The following RABGAP1 variants were observed in gnomAD, a reference collection of about 807,000 sequenced individuals.
The protein encoded by RABGAP1 is RAB GTPase activating protein 1.
Under a neutral mutation model 137.6 loss-of-function variants are expected in RABGAP1, and 23 were observed. The ratio of observed to expected loss-of-function variants is 0.17; its 90% CI spans 0.12 to 0.24. The LOEUF is 0.24. RABGAP1 is among the 10% of genes least tolerant of loss of function. The pLI is 1.00. For synonymous variants in RABGAP1, 451 were observed against 450.7 expected (o/e 1.00, Z -0.01); for missense variants, 906 against 1,275.8 (o/e 0.71, Z 4.42).
intron 1 of RABGAP1, among the ~76,000 whole-genome samples, chr9:122,949,758 A>G (rs1324325566): frequency 4.6e-5 from 7 of 152,010 alleles, no homozygotes; most frequent in Non-Finnish European, 5.9e-5. Context: ...GGTAAATGCT[A>G]TAATTCTGTG....
chr9:122,990,431 C>T (rs1261670158), intron 6 of RABGAP1: 4 of 326,652 alleles, frequency 1.2e-5, no homozygotes, highest in African/African-American at 8.8e-5. Context: ...GAACATGTTG[C>T]TACCTTCTTT....
At chr9:123,082,409 C>G (rs1409448414) in intron 19 of RABGAP1, among the ~76,000 whole-genome samples, 1 of 152,142 alleles carries the variant, frequency 6.6e-6, no homozygotes, top group Admixed American at 6.5e-5. Context: ...ATTTATGGAC[C>G]TGGGAGCCCC....
chr9:123,085,215 C>G (rs780754376), intron 19 of RABGAP1, among the ~76,000 whole-genome samples: 23 of 152,212 alleles, frequency 1.5e-4, no homozygotes, highest in Admixed American at 2.6e-4. Context: ...TCTTCCTTCT[C>G]TCTAATTTAA....
upstream of RABGAP1, chr9:122,940,864 G>T (rs534374789): frequency 6.6e-5 from 10 of 152,668 alleles, no homozygotes; most frequent in East Asian, 1.9e-3. Context: ...CCCAGGTGGG[G>T]CTCGGAGAAG....
chr9:123,075,451 T>G (rs1300167120), intron 17 of RABGAP1, among the ~76,000 whole-genome samples: 1 of 152,228 alleles, frequency 6.6e-6, no homozygotes, highest in African/African-American at 2.4e-5. Context: ...TCATAAAGAA[T>G]TTGTATCTAC....
chr9:122,965,007 A>G (rs924456792), intron 2 of RABGAP1, among the ~76,000 whole-genome samples: 5 of 152,172 alleles, frequency 3.3e-5, no homozygotes, highest in African/African-American at 7.2e-5. Flanking sequence ...TACTTAGAAA[A>G]AAAGATTTCA....
At chr9:122,994,631 T>C (rs1224367653) in intron 6 of RABGAP1, among the ~76,000 whole-genome samples, 1 of 152,210 alleles carries the variant, frequency 6.6e-6, no homozygotes, top group Non-Finnish European at 1.5e-5. Context: ...TTTGAGTAGG[T>C]GTTCAGAGCT....
chr9:123,074,729 CTT>C (rs1458103040), intron 17 of RABGAP1, among the ~76,000 whole-genome samples: 6 of 152,256 alleles, frequency 3.9e-5, no homozygotes, highest in Admixed American at 6.5e-5. Flanking sequence ...TTTTTGCTCT[CTT>C]GTGAAAAAAA....
chr9:123,053,701 A>G (rs1255187854), intron 13 of RABGAP1, among the ~76,000 whole-genome samples: 8 of 152,218 alleles, frequency 5.3e-5, no homozygotes, highest in Admixed American at 5.2e-4. Flanking sequence ...CATTTAATAA[A>G]GCATCTGTAA....
intron 19 of RABGAP1, chr9:123,077,003 T>C (rs2034531923): frequency 1.7e-5 from 2 of 120,132 alleles, no homozygotes; most frequent in Non-Finnish European, 2.9e-5. Flanking sequence ...GAAATCTCGT[T>C]GTCCCCCCAA....
At position 123,101,779 on chromosome 9, in the gene RABGAP1, C is replaced by T. The variant is rs2035352844; in HGVS notation, c.3087+16C>T. 3 of 1,569,022 alleles carry T rather than the reference C, an allele frequency of 1.9e-6. No homozygotes were observed. The highest frequency in any genetic ancestry group is 2.6e-6 in the Non-Finnish European group (3 of 1,158,184). On this transcript the variant is annotated intron_variant, in intron 25 of 25. Coordinates refer to ENST00000373647, the MANE Select transcript of RABGAP1 (RefSeq NM_012197.4). Reference sequence around the variant, plus strand: ...TAAGATACAGGTAACAGCAGCAGAGCTCAGACATGTGCCTGCGGGCTGGGT... The same window carrying T: ...TAAGATACAGGTAACAGCAGCAGAGTTCAGACATGTGCCTGCGGGCTGGGT...
rs1334318394 is a variant in RABGAP1 at position 123,017,285 on chromosome 9, C to T, written c.1643+1649C>T. Among the ~76,000 whole-genome samples the T allele has an allele frequency of 2.0e-5, 3 of 152,174 alleles. No homozygotes were observed. In the East Asian group the frequency reaches 5.8e-4, roughly 29 times the overall value. On this transcript the variant is annotated intron_variant, in intron 12 of 25. Transcript: ENST00000373647. ...CTAGTTAGATTTTATTACACGAACC[C>T]ATCAGCATCTTATACAACTTGGAAT...
chr9:123,029,161 C>T (rs748098880), intron 13 of RABGAP1, among the ~76,000 whole-genome samples: 1 of 152,074 alleles, frequency 6.6e-6, no homozygotes, highest in African/African-American at 2.4e-5. Flanking sequence ...GTCCTTGGCA[C>T]TCACTTGATG....
chr9:122,966,476 T>C (rs926698732), intron 2 of RABGAP1, among the ~76,000 whole-genome samples: 7 of 152,036 alleles, frequency 4.6e-5, no homozygotes, highest in African/African-American at 1.2e-4. Flanking sequence ...TGAGCCTACA[T>C]TGTGCCATTG....
chr9:122,973,368 C>T (rs1835576020), intron 2 of RABGAP1, among the ~76,000 whole-genome samples: 1 of 152,036 alleles, frequency 6.6e-6, no homozygotes, highest in South Asian at 2.1e-4. Flanking sequence ...CTCCCAGTAG[C>T]TGGGACTACA....
At chr9:122,979,833 A>G (rs1035163658) in intron 2 of RABGAP1, among the ~76,000 whole-genome samples, 1 of 152,224 alleles carries the variant, frequency 6.6e-6, no homozygotes, top group East Asian at 1.9e-4. Flanking sequence ...CTCTTCACCA[A>G]TACCACAATG....
chr9:122,996,831 T>A, intron 8 of RABGAP1: 1 of 491,724 alleles, frequency 2.0e-6, no homozygotes, highest in South Asian at 2.6e-5. Context: ...GATAAAATTC[T>A]TGTTTAAATA....
intron 22 of RABGAP1, 63 bp downstream of exon 22, chr9:123,097,908 T>G: frequency 7.0e-7 from 1 of 1,422,028 alleles, no homozygotes; most frequent in Non-Finnish European, 9.6e-7. Context: ...GTTCAGCTGG[T>G]GGCTTCCTGT....
intron 16 of RABGAP1, among the ~76,000 whole-genome samples, 189 bp from the exon 17 acceptor site, chr9:123,074,096 T>C (rs1327552277): frequency 6.6e-6 from 1 of 152,170 alleles, no homozygotes; most frequent in Non-Finnish European, 1.5e-5. Context: ...TAGAACAAGT[T>C]TGTGGTCTGG....
Sources: gnomAD v4.1 joint callset for allele counts (sites outside exome capture counted in the v4.1 genomes callset) on GRCh38, gnomAD v4.1.1 for gene constraint, MANE v1.5 for transcripts, NCBI Gene and HGNC (gene_info 2026-07-23, HGNC 2026-07-21) for gene names.